Variants in DLGAP2 observed in about 807,000 individuals in gnomAD.
The protein encoded by DLGAP2 is DLG associated protein 2, also known as disks large-associated protein 2.
Under a neutral mutation model 100.3 loss-of-function variants are expected in DLGAP2, and 26 were observed. The ratio of observed to expected loss-of-function variants is 0.26; its 90% confidence interval spans 0.19 to 0.36. DLGAP2 has a LOEUF of 0.36. Among genes scored for constraint, DLGAP2 ranks in the 10% least tolerant of loss-of-function variants. The probability of loss-of-function intolerance (pLI) is 1.00; values close to 1 mark genes in which losing one functional copy is unlikely to be tolerated. For synonymous variants in DLGAP2, 886 were observed against 630.1 expected (o/e 1.41, Z -6.08); for missense variants, 1,858 against 1,453.2 (o/e 1.28, Z -4.53).
Position 1,350,184 on chromosome 8 carries a change from C to CGT in DLGAP2, c.106+91302_106+91303insTG, listed in dbSNP as rs1563098886. 3.1e-3 allele frequency among the ~76,000 whole-genome samples: 439 copies of CGT among 140,856 alleles called. 53 individuals are homozygous for CGT. Among genetic ancestry groups the CGT allele is most frequent in the African/African-American group, 6.7e-3 (269 of 40,344 alleles). The allele number at this position is 140,856 out of a possible 152,430, so 92.4% of individuals were successfully genotyped here. ...TCATGCTCTTGTGGCGTGGAAAGGC[C>CGT]GCGCGGGTCCTGAGTGTGCGTGGAA... On this transcript the variant is annotated intron_variant, in intron 3 of 14. Coordinates refer to ENST00000637795, the MANE Select transcript of DLGAP2 (RefSeq NM_001346810.2).
At chr8:1,694,970 G>C (rs956560758) in intron 13 of DLGAP2, among the ~76,000 whole-genome samples, 1 of 152,192 alleles carries the variant, frequency 6.6e-6, no homozygotes, top group Admixed American at 6.5e-5. Flanking sequence ...GACCATGCCA[G>C]GCTGTGCCCG....
chr8:919,118 T>C (rs1029488827), intron 2 of DLGAP2, among the ~76,000 whole-genome samples: 2 of 152,196 alleles, frequency 1.3e-5, no homozygotes, highest in South Asian at 2.1e-4. Flanking sequence ...AAAGCTTTGC[T>C]CTATTTTGAG....
intron 2 of DLGAP2, among the ~76,000 whole-genome samples, chr8:1,131,616 C>G (rs892076234): frequency 6.6e-5 from 10 of 152,030 alleles, no homozygotes; most frequent in Non-Finnish European, 1.3e-4. Flanking sequence ...AACACCTGCT[C>G]CATACAGTGA....
intron 1 of DLGAP2, among the ~76,000 whole-genome samples, chr8:904,001 G>A (rs1217659570): frequency 2.0e-5 from 3 of 152,230 alleles, no homozygotes; most frequent in South Asian, 2.1e-4. Flanking sequence ...GCCTCTGGAC[G>A]CAGGGGACAC....
chr8:778,136 A>G (rs1302942910), intron 1 of DLGAP2, among the ~76,000 whole-genome samples: 1 of 152,122 alleles, frequency 6.6e-6, no homozygotes, highest in Non-Finnish European at 1.5e-5. Context: ...AGTTGATCGC[A>G]TCGGCTCCTG....
chr8:1,198,159 C>T (rs1403022141), intron 2 of DLGAP2, among the ~76,000 whole-genome samples: 2 of 152,010 alleles, frequency 1.3e-5, no homozygotes, highest in Non-Finnish European at 2.9e-5. Flanking sequence ...CCCACACAGG[C>T]CCTCCGGTGT....
chr8:806,595 G>A (rs1333943013), intron 1 of DLGAP2, among the ~76,000 whole-genome samples: 3 of 152,188 alleles, frequency 2.0e-5, no homozygotes, highest in Non-Finnish European at 2.9e-5. Context: ...AGGTGTACCC[G>A]GAACAGGCTT....
intron 2 of DLGAP2, among the ~76,000 whole-genome samples, chr8:1,241,653 C>T (rs528346842): frequency 3.0e-4 from 45 of 152,094 alleles, no homozygotes; most frequent in African/African-American, 1.1e-3. Context: ...CCATTTTAAC[C>T]AGTGGAAATG....
At chr8:1,029,489 G>T (rs4639545) in intron 2 of DLGAP2, among the ~76,000 whole-genome samples, 10,090 of 151,998 alleles carry the variant, frequency 0.066, 704 homozygotes, top group African/African-American at 0.16. Flanking sequence ...GAGGTTCTGG[G>T]GGGATGGCCA....
At chr8:1,179,602 A>C (rs1422624039) in intron 2 of DLGAP2, among the ~76,000 whole-genome samples, 1 of 152,250 alleles carries the variant, frequency 6.6e-6, no homozygotes, top group Non-Finnish European at 1.5e-5. Context: ...TTAACTCTCC[A>C]AGTTGCCTTT....
At chr8:1,276,710 A>T (rs909444635) in intron 3 of DLGAP2, among the ~76,000 whole-genome samples, 9 of 152,076 alleles carry the variant, frequency 5.9e-5, no homozygotes, top group Non-Finnish European at 1.2e-4. Flanking sequence ...TCTTGTTCAC[A>T]TTTTATTGGC....
chr8:1,138,038 C>G (rs567141759), intron 2 of DLGAP2, among the ~76,000 whole-genome samples: 5 of 152,282 alleles, frequency 3.3e-5, no homozygotes, highest in Admixed American at 3.3e-4. Context: ...GCCCGGCCCC[C>G]TCTCTCGATG....
chr8:1,659,001 G>T (rs1385181973), intron 8 of DLGAP2, among the ~76,000 whole-genome samples: 1 of 152,110 alleles, frequency 6.6e-6, no homozygotes, highest in Non-Finnish European at 1.5e-5. Context: ...CACTGTGTTA[G>T]CTGTGTCCCA....
At chr8:909,570 A>G (rs547478879) in intron 2 of DLGAP2, among the ~76,000 whole-genome samples, 2 of 152,162 alleles carry the variant, frequency 1.3e-5, no homozygotes, top group Non-Finnish European at 2.9e-5. Context: ...CAAGTAATCA[A>G]TCTGTAGAAC....
intron 2 of DLGAP2, among the ~76,000 whole-genome samples, chr8:1,161,464 A>C (rs934524077): frequency 4.6e-5 from 7 of 152,208 alleles, no homozygotes; most frequent in Non-Finnish European, 1.0e-4. Flanking sequence ...GCGATCTTGC[A>C]AACTGGCCTA....
At chr8:765,615 C>T (rs147764607) in intron 1 of DLGAP2, among the ~76,000 whole-genome samples, 13 of 152,196 alleles carry the variant, frequency 8.5e-5, no homozygotes, top group Non-Finnish European at 1.9e-4. Context: ...CAACAGTGAC[C>T]CTAGGGAAAA....
chr8:1,163,385 C>T (rs920141230), intron 2 of DLGAP2, among the ~76,000 whole-genome samples: 2 of 152,218 alleles, frequency 1.3e-5, no homozygotes, highest in African/African-American at 4.8e-5. Context: ...TCCGCGGTTC[C>T]GGCTGGAGAC....
chr8:1,019,683 A>G lies in DLGAP2; in HGVS notation c.73+111717A>G, dbSNP rs551136357. ...TCAGGGTTTGCTTTGGTGTGATTAT[A>G]CATATAAAGATATGTCTAGAATTCA... On this transcript the variant is annotated intron_variant, in intron 2 of 14. Transcript: ENST00000637795. The G allele has an allele frequency of 3.3e-5, 5 of 152,312 alleles. No individual in the cohort carries two copies. In the South Asian group the frequency reaches 1.0e-3, roughly 32 times the overall value. The allele number at this position is 152,312 out of a possible 1,614,324, so 9.4% of individuals were successfully genotyped here.
At chr8:1,260,598 A>G (rs998941420) in intron 3 of DLGAP2, among the ~76,000 whole-genome samples, 2 of 151,142 alleles carry the variant, frequency 1.3e-5, no homozygotes, top group Admixed American at 6.6e-5. Context: ...TCAGGGATGG[A>G]TATTGGATGA....
Sources: gnomAD v4.1 joint callset for allele counts (sites outside exome capture counted in the v4.1 genomes callset) on GRCh38, gnomAD v4.1.1 for gene constraint, MANE v1.5 for transcripts, NCBI Gene and HGNC (gene_info 2026-07-23, HGNC 2026-07-21) for gene names.